Variants in GGCX observed in about 807,000 individuals in gnomAD.
The protein encoded by GGCX is vitamin K-dependent gamma-carboxylase.
GGCX carries 63 observed loss-of-function variants against 88.5 expected under a neutral mutation model. The ratio of observed to expected loss-of-function variants is 0.71; its 90% CI spans 0.58 to 0.88. GGCX has a LOEUF of 0.88. Ranked by LOEUF, GGCX falls within the 40% of genes least tolerant of loss-of-function variation. The pLI is 0.00. For missense variants in GGCX, 805 were observed against 932.9 expected (o/e 0.86, Z 1.79); for synonymous variants, 368 against 365.8 (o/e 1.01, Z -0.07).
chr2:85,560,994 A>C lies in GGCX; in HGVS notation c.44-9T>G, dbSNP rs780926996. On this transcript the variant is annotated splice_polypyrimidine_tract_variant and intron_variant, in intron 1 of 14. Transcript: ENST00000233838. ...GTCTTTCTGTACTTTATCTGCAATC[A>C]ATAAATGGAGAAAATATGTGTGCGG... The C allele has an allele frequency of 9.3e-6, 15 of 1,610,108 alleles. 1 individual carries two copies. In the South Asian group the frequency reaches 1.6e-4, roughly 18 times the overall value.
Position 85,553,403 on chromosome 2 carries a change from T to C in GGCX, c.984A>G (p.Gln328=), listed in dbSNP as rs980749180. The C allele has an allele frequency of 3.7e-6, 6 of 1,614,040 alleles. No individual in the cohort carries two copies. The Admixed American group carries it at 5.0e-5, about 13-fold the overall frequency. ...KLVSYCPRRL[Q]QLLPLKAAPQ... The stretch of plus-strand genomic sequence containing the variant: ...GGGCTGCCTTGAGGGGCAACAGTTG[T>C]TGCAACCTTCGGGGGCAGTAGGACA... Residue 328 remains glutamine, a synonymous_variant, in exon 8 of 15, where the codon CAA becomes CAG. Transcript: ENST00000233838.
At position 85,549,946 on chromosome 2, in the gene GGCX, G is replaced by C; in HGVS notation, c.2265C>G (p.His755Gln). The C allele has an allele frequency of 6.2e-7, 1 of 1,612,518 alleles. No individual in the cohort carries two copies. The highest frequency in any genetic ancestry group is 8.5e-7 in the Non-Finnish European group (1 of 1,178,684). Reference sequence around the variant, plus strand: ...CATCTGGCCCCCTTCAGAACTCTGAGTGGACAGGATCAGGATTTGACTCAG... The same window carrying C: ...CATCTGGCCCCCTTCAGAACTCTGACTGGACAGGATCAGGATTTGACTCAG... Reference protein sequence around the residue: ...NPPESNPDPVHSEF With the variant: ...NPPESNPDPVQSEF The change falls in exon 15 of 15, where the codon CAC becomes CAG. Residue 755 changes from histidine (H) to glutamine (Q), a missense_variant. His to Gln is a conservative substitution (Grantham distance 24, BLOSUM62 0). This residue lies in a region of GGCX where 680 missense variants were observed against 763.7 expected (regional missense o/e 0.89). Coordinates refer to ENST00000233838, the MANE Select transcript of GGCX (RefSeq NM_000821.7).
At chr2:85,550,355 A>C (rs1173957836) in intron 14 of GGCX, among the ~76,000 whole-genome samples, 200 bp downstream of exon 14, 1 of 152,202 alleles carries the variant, frequency 6.6e-6, no homozygotes, top group Non-Finnish European at 1.5e-5. Context: ...GGCTGGAGAT[A>C]AGCTGAGGCA....
Position 85,550,568 on chromosome 2 carries a change from C to T in GGCX, c.2071G>A (p.Val691Ile), listed in dbSNP as rs761724262. 1.2e-6 allele frequency: 2 copies of T among 1,612,564 alleles called. No individual in the cohort carries two copies. Among genetic ancestry groups the T allele is most frequent in the South Asian group, 2.2e-5 (2 of 91,048 alleles). Residue 691 changes from valine (V) to isoleucine (I), a missense_variant, in exon 14 of 15, where the codon GTC becomes ATC. Physicochemically the swap from Val to Ile is conservative, Grantham distance 29. Coordinates refer to ENST00000233838, the MANE Select transcript of GGCX (RefSeq NM_000821.7). ...FFRFLLRKLY[V>I]FRRSFLMTCI... is the part of the protein sequence containing the mutation. ...TTGTGAACTTACCTGCGGCGAAAGACATAGAGCTTTCGCAACAAGAAGCGG... is the reference window on the plus strand; with the variant it reads ...TTGTGAACTTACCTGCGGCGAAAGATATAGAGCTTTCGCAACAAGAAGCGG...
chr2:85,556,034 T>C, intron 5 of GGCX, 148 bp downstream of exon 5: 1 of 687,850 alleles, frequency 1.5e-6, no homozygotes, highest in Admixed American at 2.1e-5. Flanking sequence ...TTGGAAAAAA[T>C]GAGAAGCCAG....
chr2:85,560,959 G>A lies in GGCX; in HGVS notation c.70C>T (p.Leu24=), dbSNP rs1692418898. ...CTGTCCTGCCTGGGCCCTGAGATCA[G>A]TTCAGCCTTGTCTTTCTGTACTTTA... ...SDKVQKDKAE[L]ISGPRQDSRI... The change falls in exon 2 of 15, where the codon CTG becomes TTG. Residue 24 remains leucine, a synonymous_variant. Transcript: ENST00000233838. 1 of 1,613,882 alleles carries A rather than the reference G, an allele frequency of 6.2e-7. No individual in the cohort carries two copies. The highest frequency in any genetic ancestry group is 1.7e-5 in the Admixed American group (1 of 60,016).
rs1039279233 is a variant in GGCX, at chr2:85,552,359, A to G, written c.1439+57T>C. 4 of 1,507,732 alleles carry G rather than the reference A, an allele frequency of 2.7e-6. No individual in the cohort carries two copies. The African/African-American group carries it at 5.5e-5, about 21-fold the overall frequency. 93.4% of individuals were successfully genotyped at this position (1,507,732 alleles called of 1,614,324 possible). On this transcript the variant is annotated intron_variant, in intron 10 of 14. Transcript: ENST00000233838. The stretch of plus-strand genomic sequence containing the variant: ...CAATACCAGGAAGCAAGGGCTGTTC[A>G]TCTTGGTAAAAAGAACTGTGCTTCA...
At chr2:85,561,346 C>G (rs760747272) in intron 1 of GGCX, 40 bp downstream of exon 1, 7 of 1,438,440 alleles carry the variant, frequency 4.9e-6, no homozygotes, top group Non-Finnish European at 6.7e-6. Context: ...GACCAGCGCT[C>G]CTAGGAACTC....
In GGCX at chr2:85,551,086, A is replaced by T; in HGVS notation, c.1741-14T>A. 1 of 1,612,714 alleles carries T rather than the reference A, an allele frequency of 6.2e-7. No individual in the cohort carries two copies. The highest frequency in any genetic ancestry group is 8.5e-7 in the Non-Finnish European group (1 of 1,178,806). On this transcript the variant is annotated splice_polypyrimidine_tract_variant and intron_variant, in intron 12 of 14. Coordinates refer to ENST00000233838, the MANE Select transcript of GGCX (RefSeq NM_000821.7). ...ACCAGCAGGCAACTGACAAGGGAGA[A>T]GAAATGGATAAATTTCATCAGCTTT...
rs1691609816 is a variant in GGCX, at chr2:85,545,425, C to CCTGGGTGATCAAGCCACTGCACTCT, written c.*4508_*4509insAGAGTGCAGTGGCTTGATCACCCAG. ...GAACCATTATCAAGCCACTGCACTC[C>CCTGGGTGATCAAGCCACTGCACTCT]AGCCTGGGTGACTGAGACTTTGGCT... On this transcript the variant is annotated 3_prime_UTR_variant, in exon 15 of 15. Coordinates refer to ENST00000233838, the MANE Select transcript of GGCX (RefSeq NM_000821.7). 6.6e-6 allele frequency: 1 copy of CCTGGGTGATCAAGCCACTGCACTCT among 152,088 alleles called. No individual in the cohort carries two copies. Among genetic ancestry groups the CCTGGGTGATCAAGCCACTGCACTCT allele is most frequent in the Non-Finnish European group, 1.5e-5 (1 of 67,982 alleles). The allele number at this position is 152,088 out of a possible 1,614,324, so 9.4% of individuals were successfully genotyped here.
rs1414711596 is a variant in GGCX, at chr2:85,544,825, G to A, written c.*5109C>T. On this transcript the variant is annotated 3_prime_UTR_variant, in exon 15 of 15. Transcript: ENST00000233838. ...TCCTTCAGAGAGCAGTGCTTTTGGC[G>A]GGGAGGAGGAAATCCCTTCATACTT... is the stretch of plus-strand genomic sequence containing the variant. The A allele has an allele frequency of 2.6e-5, 4 of 152,636 alleles. No individual in the cohort carries two copies. The highest frequency in any genetic ancestry group is 5.9e-5 in the Non-Finnish European group (4 of 68,030). 9.5% of individuals were successfully genotyped at this position (152,636 alleles called of 1,614,324 possible).
In GGCX at chr2:85,551,375, A is replaced by C. The variant is rs1691943617; in HGVS notation, c.1740+105T>G. The stretch of plus-strand genomic sequence containing the variant: ...GGGTCTCACTCTGTTGCTCAGGCTC[A>C]CTGTGAATTCCTGGCTTCCCACCTC... On this transcript the variant is annotated intron_variant, in intron 12 of 14. Transcript: ENST00000233838. 1.4e-5 allele frequency: 16 copies of C among 1,135,592 alleles called. No homozygotes were observed. The South Asian group carries it at 2.0e-4, about 14-fold the overall frequency. 70.3% of individuals were successfully genotyped at this position (1,135,592 alleles called of 1,614,324 possible). A position where few individuals can be genotyped will look rare whatever the true frequency, so the allele number is the denominator to read the frequency against.
chr2:85,557,873 G>T (rs1247897153), intron 4 of GGCX, among the ~76,000 whole-genome samples: 4 of 151,966 alleles, frequency 2.6e-5, no homozygotes, highest in Non-Finnish European at 5.9e-5. Flanking sequence ...AACATATAAA[G>T]AATCCTTAAG....
intron 13 of GGCX, 79 bp downstream of exon 13, chr2:85,550,846 T>C: frequency 6.3e-7 from 1 of 1,587,764 alleles, no homozygotes; most frequent in African/African-American, 1.3e-5. Flanking sequence ...AAGTTCATTC[T>C]TGAATGGCTA....
At chr2:85,557,930 C>G (rs1476993659) in intron 4 of GGCX, among the ~76,000 whole-genome samples, 1 of 152,152 alleles carries the variant, frequency 6.6e-6, no homozygotes, top group East Asian at 1.9e-4. Context: ...TCCACCTCCC[C>G]TTAGAGACAG....
intron 7 of GGCX, 43 bp from the exon 8 acceptor site, chr2:85,553,540 G>A (rs1558808402): frequency 6.9e-6 from 11 of 1,604,026 alleles, no homozygotes; most frequent in East Asian, 2.2e-5. Context: ...GAGTTTGGCT[G>A]GGCCTCTTCA....
chr2:85,551,575 C>T lies in GGCX; in HGVS notation c.1645G>A (p.Gly549Ser), dbSNP rs778886787. 1.2e-6 allele frequency: 2 copies of T among 1,613,886 alleles called. No homozygotes were observed. Among genetic ancestry groups the T allele is most frequent in the South Asian group, 2.2e-5 (2 of 91,070 alleles). ...HLENFVSEDL[G>S]NTSIQLLQGE... The stretch of plus-strand genomic sequence containing the variant: ...TGCAGCAGCTGGATGCTAGTGTTGC[C>T]CAGGTCTTCACTCACAAAATTCTCC... Residue 549 changes from glycine (G) to serine (S), a missense_variant, in exon 12 of 15, where the codon GGC (glycine) becomes AGC (serine). Physicochemically the swap from Gly to Ser is moderately conservative, Grantham distance 56 (BLOSUM62 0). This residue lies in a region of GGCX where 680 missense variants were observed against 763.7 expected (regional missense o/e 0.89). Transcript: ENST00000233838.
intron 10 of GGCX, 48 bp from the exon 11 acceptor site, chr2:85,552,029 C>G (rs751503558): frequency 7.4e-7 from 1 of 1,351,240 alleles, no homozygotes; most frequent in Non-Finnish European, 1.1e-6. Flanking sequence ...CACCCACCCA[C>G]CAGAACTTCC....
chr2:85,553,165 C>T, intron 8 of GGCX, 67 bp downstream of exon 8: 1 of 1,612,122 alleles, frequency 6.2e-7, no homozygotes, highest in South Asian at 1.1e-5. Flanking sequence ...CCCATTCTTT[C>T]CCAACTATTG....
Sources: allele counts gnomAD v4.1 joint callset (sites outside exome capture counted in the v4.1 genomes callset), GRCh38; gene constraint gnomAD v4.1.1; regional missense constraint gnomAD v4.1.1; transcripts MANE v1.5; gene names NCBI Gene and HGNC (gene_info 2026-07-23, HGNC 2026-07-21).